Variants in TTN observed in about 807,000 individuals in gnomAD.
The protein encoded by TTN is connectin.
A neutral mutation model predicts 3,223.0 loss-of-function variants in TTN; 1,525 were observed. That is an observed-to-expected ratio of 0.47 (90% confidence interval 0.45 to 0.49). TTN has a LOEUF of 0.49. Among genes scored for constraint, TTN ranks in the 20% least tolerant of loss-of-function variants. The probability of loss-of-function intolerance (pLI) is 0.00; values close to 1 mark genes in which losing one functional copy is unlikely to be tolerated. For synonymous variants in TTN, 14,094 were observed against 15,161.0 expected (o/e 0.93, Z 5.17); for missense variants, 40,786 against 43,424.0 (o/e 0.94, Z 5.40).
chr2:178,629,684 C>T (rs1265830682), intron 239 of TTN, among the ~76,000 whole-genome samples: 3 of 152,104 alleles, frequency 2.0e-5, no homozygotes, highest in Non-Finnish European at 4.4e-5. Context: ...GAAATCTGTG[C>T]TGCATCTGTC....
intron 236 of TTN, among the ~76,000 whole-genome samples, chr2:178,631,799 T>C (rs1033303681): frequency 1.3e-5 from 2 of 152,074 alleles, no homozygotes; most frequent in Admixed American, 1.3e-4. Context: ...ATATCTTCTC[T>C]TATGGGAAAC....
Position 178,575,331 on chromosome 2 carries a change from A to T in TTN, c.70801T>A (p.Tyr23601Asn). Residue 23601 changes from tyrosine (Y) to asparagine (N), a missense_variant, in exon 326 of 363, where the codon TAT (tyrosine) becomes AAT (asparagine). Tyr to Asn is a moderately radical substitution (Grantham distance 143). Coordinates refer to ENST00000589042, the MANE Select transcript of TTN (RefSeq NM_001267550.2). The surrounding 1 kb of genome is among the most constrained non-coding windows in gnomAD (Gnocchi z 4.0). Reference sequence around the variant, plus strand: ...TTCACTGCCATCACTTGGAAGGTATATTCCTCTCCTTCAGTTAGATTCCTC... The same window carrying T: ...TTCACTGCCATCACTTGGAAGGTATTTTCCTCTCCTTCAGTTAGATTCCTC... ...VVRNLTEGEE[Y>N]TFQVMAVNSA... The T allele has an allele frequency of 6.2e-7, 1 of 1,613,452 alleles. No homozygotes were observed. Among genetic ancestry groups the T allele is most frequent in the African/African-American group, 1.3e-5 (1 of 75,012 alleles).
chr2:178,665,098 T>TC lies in TTN; in HGVS notation c.36044-173dup, dbSNP rs530568291. On this transcript the variant is annotated intron_variant, in intron 165 of 362. Transcript: ENST00000589042. ...TTAGTGGATCCTTGAGAGGAGGTGCTCCCCCTCCTCCAGAACCTCACAGAG... is the reference window on the plus strand; with the variant it reads ...TTAGTGGATCCTTGAGAGGAGGTGCTCCCCCCTCCTCCAGAACCTCACAGAG... Among the ~76,000 whole-genome samples the TC allele has an allele frequency of 1.4e-3, 210 of 152,146 alleles. 1 individual carries two copies. Among genetic ancestry groups the TC allele is most frequent in the Admixed American group, 2.6e-3 (40 of 15,222 alleles).
chr2:178,742,506 C>T (rs1310146890), intron 47 of TTN, among the ~76,000 whole-genome samples: 1 of 152,108 alleles, frequency 6.6e-6, no homozygotes, highest in African/African-American at 2.4e-5. Context: ...CTATGTAAAT[C>T]ACCATATTAC....
chr2:178,728,423 A>G (rs1447581204), intron 66 of TTN, 26 bp from the exon 67 acceptor site: 32 of 1,580,584 alleles, frequency 2.0e-5, no homozygotes, highest in Non-Finnish European at 2.8e-5. Context: ...AGCAAAACAC[A>G]TCCATTAATC....
chr2:178,679,576 C>A (rs769550402), intron 141 of TTN, 23 bp downstream of exon 141: 1 of 1,604,958 alleles, frequency 6.2e-7, no homozygotes, highest in Non-Finnish European at 8.5e-7. Flanking sequence ...CTCTTAGATA[C>A]CCGTCAATGA....
intron 213 of TTN, 150 bp from the exon 214 acceptor site, chr2:178,647,614 A>G (rs2062226869): frequency 1.5e-6 from 1 of 672,240 alleles, no homozygotes; most frequent in African/African-American, 1.8e-5. Flanking sequence ...TGGACATCCT[A>G]ATTTTATATA....
At chr2:178,781,352 G>T in intron 20 of TTN, 89 bp from the exon 21 acceptor site, 1 of 1,460,704 alleles carries the variant, frequency 6.8e-7, no homozygotes, top group Non-Finnish European at 9.5e-7. Context: ...GTGGATCTGT[G>T]GTATAAAATT....
chr2:178,558,084 T>A lies in TTN; in HGVS notation c.87270A>T (p.Arg29090Ser). 2 of 1,613,908 alleles carry A rather than the reference T, an allele frequency of 1.2e-6. No homozygotes were observed. Among genetic ancestry groups the A allele is most frequent in the Non-Finnish European group, 1.7e-6 (2 of 1,179,828 alleles). ...TCTCAGCAGTAATTTCGGTATTAAA[T>A]CTCATGGTTGCCTTAAGGGGGACAC... ...RDGVPLKATM[R>S]FNTEITAENL... The change falls in exon 328 of 363, where the codon AGA (arginine) becomes AGT (serine). Residue 29090 changes from arginine (R) to serine (S), a missense_variant. Arg to Ser is a moderately radical substitution (Grantham distance 110). Coordinates refer to ENST00000589042, the MANE Select transcript of TTN (RefSeq NM_001267550.2).
At chr2:178,642,421 T>C in intron 218 of TTN, 104 bp from the exon 219 acceptor site, 1 of 972,970 alleles carries the variant, frequency 1.0e-6, no homozygotes, top group African/African-American at 1.7e-5. Flanking sequence ...GTGCATTAAG[T>C]AACAATTTTC....
chr2:178,777,205 G>T lies in TTN; in HGVS notation c.4758C>A (p.Asp1586Glu). The T allele has an allele frequency of 6.2e-7, 1 of 1,614,102 alleles. No individual in the cohort carries two copies. The highest frequency in any genetic ancestry group is 8.5e-7 in the Non-Finnish European group (1 of 1,179,974). The part of the protein sequence containing the change: ...KVRATGNPNP[D>E]IVWLKNSDII... ...TGTCACTGTTTTTCAACCATACAAT[G>T]TCAGGGTTGGGGTTACCCGTAGCTC... Residue 1586 changes from aspartate (D) to glutamate (E), a missense_variant, in exon 27 of 363, where the codon GAC becomes GAA. Physicochemically the swap from Asp to Glu is conservative, Grantham distance 45. Transcript: ENST00000589042.
Position 178,528,654 on chromosome 2 carries a change from T to C in TTN, c.107097A>G (p.Ser35699=), listed in dbSNP as rs771821464. The part of the protein sequence containing the change: ...QYDLTLSKEL[S]DAPAFISQPR... Reference sequence around the variant, plus strand: ...GCTGTGAGATGAAGGCTGGAGCATCTGAGAGTTCTTTGCTCAGTGTCAAAT... The same window carrying C: ...GCTGTGAGATGAAGGCTGGAGCATCCGAGAGTTCTTTGCTCAGTGTCAAAT... Residue 35699 remains serine, a synonymous_variant, in exon 360 of 363, where the codon TCA becomes TCG. Coordinates refer to ENST00000589042, the MANE Select transcript of TTN (RefSeq NM_001267550.2). 5 of 1,613,110 alleles carry C rather than the reference T, an allele frequency of 3.1e-6. No homozygotes were observed. The highest frequency in any genetic ancestry group is 3.4e-6 in the Non-Finnish European group (4 of 1,179,460).
At position 178,620,969 on chromosome 2, in the gene TTN, A is replaced by G. The variant is rs2154211474; in HGVS notation, c.45641T>C (p.Leu15214Pro). 6.2e-7 allele frequency: 1 copy of G among 1,611,882 alleles called. No individual in the cohort carries two copies. Among genetic ancestry groups the G allele is most frequent in the East Asian group, 2.2e-5 (1 of 44,636 alleles). Reference sequence around the variant, plus strand: ...TTGTTCCTTCACCCGGGTGTCCTTAAGAGGAACTACGATCCTGAGTTTTTC... The same window carrying G: ...TTGTTCCTTCACCCGGGTGTCCTTAGGAGGAACTACGATCCTGAGTTTTTC... ...VIEKLRIVVP[L>P]KDTRVKEQQE... Residue 15214 changes from leucine to proline, a missense_variant, in exon 247 of 363, where the codon CTT becomes CCT. Leu to Pro is a moderately conservative substitution (Grantham distance 98, BLOSUM62 -3). Coordinates refer to ENST00000589042, the MANE Select transcript of TTN (RefSeq NM_001267550.2).
intron 90 of TTN, 124 bp from the exon 91 acceptor site, chr2:178,714,697 G>T (rs2077195353): frequency 1.8e-6 from 2 of 1,142,670 alleles, no homozygotes; most frequent in East Asian, 5.1e-5. Flanking sequence ...AGGCATTTTT[G>T]GTGGATGCGA....
chr2:178,614,970 T>G lies in TTN; in HGVS notation c.48639-2A>C. 1 of 1,595,670 alleles carries G rather than the reference T, an allele frequency of 6.3e-7. No homozygotes were observed. The highest frequency in any genetic ancestry group is 8.5e-7 in the Non-Finnish European group (1 of 1,169,668). ...TCCTCAAGACCTGTCACTTCCATTCTGTCAGAAAACAGAATAGGATGTTTT... is the reference window on the plus strand; with the variant it reads ...TCCTCAAGACCTGTCACTTCCATTCGGTCAGAAAACAGAATAGGATGTTTT... On this transcript the variant is annotated splice_acceptor_variant, in intron 259 of 362. Coordinates refer to ENST00000589042, the MANE Select transcript of TTN (RefSeq NM_001267550.2). LOFTEE classifies it high-confidence loss of function.
Position 178,590,820 on chromosome 2 carries a change from G to A in TTN, c.60905C>T (p.Pro20302Leu). Residue 20302 changes from proline to leucine, a missense_variant, in exon 304 of 363, where the codon CCA becomes CTA. By Grantham distance (98) the Pro-to-Leu change is moderately conservative. Transcript: ENST00000589042. ...ACGTTCCATATAGTAGCCAGTTATT[G>A]GACTGCCACCATCAGATTTTGGCAG... ...WTLPKSDGGS[P>L]ITGYYMERRE... 6.2e-7 allele frequency: 1 copy of A among 1,606,796 alleles called. No homozygotes were observed. The highest frequency in any genetic ancestry group is 1.1e-5 in the South Asian group (1 of 90,888).
chr2:178,756,324 T>C lies in TTN; in HGVS notation c.11152A>G (p.Thr3718Ala), dbSNP rs747357550. Residue 3718 changes from threonine to alanine, a missense_variant, in exon 46 of 363, where the codon ACC (threonine) becomes GCC (alanine). Transcript: ENST00000589042. ...QSQNGNIQFLTICNVQLVDQG... is the reference protein window; with the variant it reads ...QSQNGNIQFLAICNVQLVDQG... ...TCTACCAGCTGAACATTACATATGGTAAGAAACTGAATATTTCCATTTTGT... is the reference window on the plus strand; with the variant it reads ...TCTACCAGCTGAACATTACATATGGCAAGAAACTGAATATTTCCATTTTGT... The C allele has an allele frequency of 6.2e-7, 1 of 1,613,896 alleles. No individual in the cohort carries two copies. The highest frequency in any genetic ancestry group is 8.5e-7 in the Non-Finnish European group (1 of 1,179,798).
At chr2:178,674,088 G>A (rs978738243) in intron 151 of TTN, among the ~76,000 whole-genome samples, 2 of 151,652 alleles carry the variant, frequency 1.3e-5, no homozygotes, top group Non-Finnish European at 1.5e-5. Flanking sequence ...AAATTCAATC[G>A]CCAATAACAA....
chr2:178,682,818 T>G lies in TTN; in HGVS notation c.32973A>C (p.Glu10991Asp). Residue 10991 changes from glutamate (E) to aspartate (D), a missense_variant, in exon 135 of 363, where the codon GAA (glutamate) becomes GAC (aspartate). By Grantham distance (45) the Glu-to-Asp change is conservative (BLOSUM62 2). Transcript: ENST00000589042. ...ATTCTTTATAATCATATTCTTCATA[T>G]TCCTCATATTCTTCTTCCCGTTGTA... ...VSVQREEEYE[E>D]YEEYDYKEFE... The G allele has an allele frequency of 6.2e-7, 1 of 1,612,394 alleles. No homozygotes were observed. The highest frequency in any genetic ancestry group is 8.5e-7 in the Non-Finnish European group (1 of 1,179,076).
Sources: allele counts gnomAD v4.1 joint callset (sites outside exome capture counted in the v4.1 genomes callset), GRCh38; gene constraint gnomAD v4.1.1; non-coding constraint Gnocchi (gnomAD v3.1); transcripts MANE v1.5; gene names NCBI Gene and HGNC (gene_info 2026-07-23, HGNC 2026-07-21).